CUX1: variants seen among roughly 807,000 people sequenced by gnomAD.
CUX1 encodes the protein protein CASP.
CUX1 carries 31 observed loss-of-function variants against 158.8 expected under a neutral mutation model. The observed-to-expected ratio is 0.20, with a 90% CI of 0.15 to 0.26. The LOEUF (loss-of-function observed/expected upper bound fraction) is 0.26, where lower values mean the gene tolerates loss of function less well. Among genes scored for constraint, CUX1 ranks in the 10% least tolerant of loss-of-function variants. The pLI is 1.00. For missense variants in CUX1, 1,589 were observed against 2,014.6 expected, an observed-to-expected ratio of 0.79 and a Z score of 4.04; for synonymous variants, 879 against 862.1, an observed-to-expected ratio of 1.02 and a Z score of -0.34.
chr7:101,837,386 T>C (rs1262963317), intron 1 of CUX1, among the ~76,000 whole-genome samples: 2 of 152,238 alleles, frequency 1.3e-5, no homozygotes, highest in Non-Finnish European at 2.9e-5. Flanking sequence ...AATCTTTTTT[T>C]AGTTGTGTAT....
In CUX1 at chr7:102,201,121, C is replaced by T. The variant is rs1795388917; in HGVS notation, c.2063-239C>T. On this transcript the variant is annotated intron_variant, in intron 17 of 23. Coordinates refer to ENST00000292535, the MANE Select transcript of CUX1 (RefSeq NM_181552.4). This position sits in a 1 kb window ranked among gnomAD's most constrained non-coding sequence, Gnocchi z 5.0. ...CTTTCACTGACACCCCCTTTATTAC[C>T]CTCTACATCTGTGTGTATACCAAAG... Among the ~76,000 whole-genome samples, 2 of 151,516 alleles carry T rather than the reference C, an allele frequency of 1.3e-5. No individual in the cohort carries two copies. Among genetic ancestry groups the T allele is most frequent in the South Asian group, 4.2e-4 (2 of 4,790 alleles).
intron 3 of CUX1, among the ~76,000 whole-genome samples, chr7:102,056,035 C>G (rs1296524055): frequency 2.6e-5 from 4 of 152,216 alleles, no homozygotes; most frequent in Non-Finnish European, 5.9e-5. Context: ...AAAGCCCTGA[C>G]TCTTCAATTC....
intron 4 of CUX1, among the ~76,000 whole-genome samples, chr7:102,095,491 G>A (rs1385292128): frequency 6.6e-6 from 1 of 152,114 alleles, no homozygotes; most frequent in Non-Finnish European, 1.5e-5. Context: ...CAGCACCCGG[G>A]ATCTGCTGAC....
intron 1 of CUX1, among the ~76,000 whole-genome samples, chr7:101,912,907 A>AC (rs1803662544): frequency 6.6e-6 from 1 of 151,920 alleles, no homozygotes; most frequent in South Asian, 2.1e-4. Context: ...CTCACACGTG[A>AC]CCCGTGACTC....
At chr7:102,209,171 C>T (rs1435309665) in intron 20 of CUX1, among the ~76,000 whole-genome samples, 2 of 152,224 alleles carry the variant, frequency 1.3e-5, no homozygotes, top group Admixed American at 6.5e-5. Context: ...CAGCCTTTTC[C>T]TGCCGGGCTC....
At chr7:101,964,328 G>A (rs1810875385) in intron 2 of CUX1, among the ~76,000 whole-genome samples, 1 of 152,046 alleles carries the variant, frequency 6.6e-6, no homozygotes, top group South Asian at 2.1e-4. Context: ...ACTCCAGCCT[G>A]GGCAACAGAG....
intron 8 of CUX1, among the ~76,000 whole-genome samples, chr7:102,143,858 C>CTGTA (rs1834733823): frequency 6.6e-6 from 1 of 152,130 alleles, no homozygotes; most frequent in Non-Finnish European, 1.5e-5. Flanking sequence ...TCTCAGCTCA[C>CTGTA]TGTAGCCTCC....
At chr7:102,080,080 G>C (rs1170754529) in intron 4 of CUX1, among the ~76,000 whole-genome samples, 2 of 152,182 alleles carry the variant, frequency 1.3e-5, no homozygotes, top group Non-Finnish European at 2.9e-5. Context: ...AGACAAGCAG[G>C]CATGACAAGA....
chr7:101,972,691 C>T (rs1181775491), intron 2 of CUX1, among the ~76,000 whole-genome samples: 1 of 152,202 alleles, frequency 6.6e-6, no homozygotes, highest in African/African-American at 2.4e-5. Context: ...AGAGAGACTC[C>T]CTGTCGGGGA....
At chr7:101,871,232 G>A (rs1298100099) in intron 1 of CUX1, among the ~76,000 whole-genome samples, 1 of 151,996 alleles carries the variant, frequency 6.6e-6, no homozygotes, top group Non-Finnish European at 1.5e-5. Flanking sequence ...GCAGAATACA[G>A]GCCTCTGCTT....
chr7:101,893,317 T>C (rs1347411008), intron 1 of CUX1, among the ~76,000 whole-genome samples: 3 of 152,010 alleles, frequency 2.0e-5, no homozygotes, highest in Non-Finnish European at 4.4e-5. Context: ...AAGTTTGTTT[T>C]ACTTTTTATT....
At chr7:101,842,662 A>T (rs1477797493) in intron 1 of CUX1, among the ~76,000 whole-genome samples, 2 of 152,138 alleles carry the variant, frequency 1.3e-5, no homozygotes, top group Admixed American at 6.6e-5. Context: ...TTGGGATTAC[A>T]GGTGTGAGCC....
chr7:102,208,485 C>T (rs1554522309), intron 20 of CUX1, among the ~76,000 whole-genome samples: 3 of 152,264 alleles, frequency 2.0e-5, no homozygotes, highest in African/African-American at 7.2e-5. Flanking sequence ...AGGTGATCCA[C>T]CCGCCTTAGC....
chr7:101,965,420 C>T (rs910860202), intron 2 of CUX1, among the ~76,000 whole-genome samples: 1 of 152,132 alleles, frequency 6.6e-6, no homozygotes, highest in African/African-American at 2.4e-5. Context: ...CTCCTTCCAC[C>T]ATCCTTGGTT....
At chr7:102,124,444 G>A (rs1185230307) in intron 8 of CUX1, among the ~76,000 whole-genome samples, 4 of 152,250 alleles carry the variant, frequency 2.6e-5, no homozygotes, top group African/African-American at 4.8e-5. Flanking sequence ...TATGTGCCCA[G>A]CTTCAGATGA....
intron 1 of CUX1, among the ~76,000 whole-genome samples, chr7:101,897,736 T>C (rs1189103801): frequency 2.0e-5 from 3 of 152,196 alleles, no homozygotes; most frequent in Non-Finnish European, 4.4e-5. Flanking sequence ...CAAATCTTTA[T>C]AGTTTCAGCT....
chr7:101,907,066 TG>T (rs1290203443), intron 1 of CUX1, among the ~76,000 whole-genome samples: 1 of 152,102 alleles, frequency 6.6e-6, no homozygotes, highest in East Asian at 1.9e-4. Context: ...AGCCTGTCAG[TG>T]GGAAAGTGAT....
Position 102,255,054 on chromosome 7 carries a change from C to T in CUX1, c.*6012C>T. On this transcript the variant is annotated 3_prime_UTR_variant, in exon 24 of 24. Coordinates refer to ENST00000292535, the MANE Select transcript of CUX1 (RefSeq NM_181552.4). ...GGGGTGTGGGGGGCAGAGCGTAAAA[C>T]AAGCCCCAGCCCTACTCCCGGCCCC... 1.0e-6 allele frequency: 1 copy of T among 985,564 alleles called. No individual in the cohort carries two copies. The highest frequency in any genetic ancestry group is 1.2e-6 in the Non-Finnish European group (1 of 830,090). The allele number at this position is 985,564 out of a possible 1,614,324, so 61.1% of individuals were successfully genotyped here.
At chr7:102,198,913 A>G (rs782346755) in intron 16 of CUX1, 46 bp downstream of exon 16, 1 of 1,533,884 alleles carries the variant, frequency 6.5e-7, no homozygotes, top group South Asian at 1.1e-5. Context: ...CACCTAGGGA[A>G]GCAGCATGTC....
Sources: allele counts gnomAD v4.1 joint callset (sites outside exome capture counted in the v4.1 genomes callset), GRCh38; gene constraint gnomAD v4.1.1; non-coding constraint Gnocchi (gnomAD v3.1); transcripts MANE v1.5; gene names NCBI Gene and HGNC (gene_info 2026-07-23, HGNC 2026-07-21).